PRKCE: variants seen among roughly 807,000 people sequenced by gnomAD.
PRKCE encodes protein kinase C epsilon, also known as protein kinase C epsilon type.
A neutral mutation model predicts 85.4 loss-of-function variants in PRKCE; 16 were observed. The ratio of observed to expected loss-of-function variants is 0.19; its 90% CI spans 0.13 to 0.28. The LOEUF is 0.28. PRKCE is among the 10% of genes least tolerant of loss of function. The pLI, the probability that PRKCE is intolerant of heterozygous loss-of-function variation, is 1.00. For synonymous variants in PRKCE, 388 were observed against 371.5 expected (o/e 1.04, Z -0.51); for missense variants, 573 against 975.2 (o/e 0.59, Z 5.49).
chr2:45,703,131 T>A lies in PRKCE; in HGVS notation c.348+50683T>A, dbSNP rs1017876750. Among the ~76,000 whole-genome samples the A allele has an allele frequency of 7.8e-4, 119 of 152,238 alleles. 1 individual carries two copies. In the East Asian group the frequency reaches 9.3e-3, roughly 12 times the overall value. Reference sequence around the variant, plus strand: ...CTCAGCTTCTGTTTTATTTATTTTTTTTTTTTGTATTTCTGATGGCTGTTG... The same window carrying A: ...CTCAGCTTCTGTTTTATTTATTTTTATTTTTTGTATTTCTGATGGCTGTTG... On this transcript the variant is annotated intron_variant, in intron 1 of 14. Coordinates refer to ENST00000306156, the MANE Select transcript of PRKCE (RefSeq NM_005400.3).
At chr2:45,961,347 A>G (rs58284297) in intron 2 of PRKCE, among the ~76,000 whole-genome samples, 51,052 of 152,112 alleles carry the variant, frequency 0.34, 8,758 homozygotes, top group Middle Eastern at 0.51. Context: ...TGAATGAAGT[A>G]TCTACTGCTA....
chr2:45,952,749 A>G (rs1700711137), intron 2 of PRKCE, among the ~76,000 whole-genome samples: 1 of 152,254 alleles, frequency 6.6e-6, no homozygotes, highest in African/African-American at 2.4e-5. Flanking sequence ...GGCCATTGAC[A>G]TGCAGCTTTC....
intron 1 of PRKCE, among the ~76,000 whole-genome samples, chr2:45,736,690 G>C (rs1327360819): frequency 6.6e-6 from 1 of 152,208 alleles, no homozygotes; most frequent in Non-Finnish European, 1.5e-5. Flanking sequence ...AGTTTCTGGA[G>C]AACAGGAAGG....
chr2:46,137,080 C>T (rs1026214392), intron 11 of PRKCE, among the ~76,000 whole-genome samples: 18 of 152,312 alleles, frequency 1.2e-4, no homozygotes, highest in Admixed American at 9.8e-4. Context: ...GGCAGAATTT[C>T]TGGGATATCA....
At chr2:45,728,869 T>G (rs1234949726) in intron 1 of PRKCE, among the ~76,000 whole-genome samples, 7 of 152,206 alleles carry the variant, frequency 4.6e-5, no homozygotes, top group Non-Finnish European at 1.0e-4. Context: ...GTAATGTGTT[T>G]AGAGTTGGGT....
At chr2:45,971,317 A>G (rs573029410) in intron 2 of PRKCE, among the ~76,000 whole-genome samples, 34 of 152,338 alleles carry the variant, frequency 2.2e-4, no homozygotes, top group African/African-American at 7.9e-4. Flanking sequence ...CCTCCCATGC[A>G]TGTTACCCCA....
chr2:46,010,556 C>T lies in PRKCE; in HGVS notation c.1437+39C>T, dbSNP rs1409122589. The T allele has an allele frequency of 3.1e-6, 5 of 1,597,710 alleles. No homozygotes were observed. The South Asian group carries it at 5.5e-5, about 18-fold the overall frequency. ...AAGCTGGCTGGCTGCCATGTTGGGG[C>T]ATCTTGACTATCAGATAAAATACCA... On this transcript the variant is annotated intron_variant, in intron 10 of 14. Transcript: ENST00000306156.
intron 5 of PRKCE, 64 bp from the exon 6 acceptor site, chr2:45,984,487 G>C: frequency 1.3e-6 from 2 of 1,568,266 alleles, no homozygotes; most frequent in Admixed American, 3.4e-5. Flanking sequence ...TGAGAGTTCC[G>C]TTGACAAGTC....
chr2:45,857,379 G>A (rs10206177), intron 2 of PRKCE, among the ~76,000 whole-genome samples: 83,181 of 152,072 alleles, frequency 0.55, 23,843 homozygotes, highest in East Asian at 0.83. Context: ...TGTTCTTTAA[G>A]AGAGTTTTTA....
At chr2:46,180,577 G>A (rs1028899760) in intron 14 of PRKCE, among the ~76,000 whole-genome samples, 4 of 152,218 alleles carry the variant, frequency 2.6e-5, no homozygotes, top group East Asian at 1.9e-4. Flanking sequence ...TCACTGATGG[G>A]CAGATACCAT....
chr2:45,994,012 G>C (rs374213435), intron 6 of PRKCE, among the ~76,000 whole-genome samples: 4 of 151,936 alleles, frequency 2.6e-5, no homozygotes, highest in Admixed American at 1.3e-4. Context: ...AGGCTGGTCT[G>C]GGGGGGCTCT....
At chr2:46,115,163 G>A (rs1292279250) in intron 11 of PRKCE, among the ~76,000 whole-genome samples, 1 of 152,168 alleles carries the variant, frequency 6.6e-6, no homozygotes, top group Non-Finnish European at 1.5e-5. Context: ...GATTAAGGTG[G>A]CAGGGAAGTA....
At chr2:45,979,568 A>G (rs1001831506) in intron 4 of PRKCE, among the ~76,000 whole-genome samples, 4 of 152,186 alleles carry the variant, frequency 2.6e-5, no homozygotes, top group Admixed American at 1.3e-4. Flanking sequence ...TAAGTTGTAC[A>G]AAATTGGAGG....
chr2:46,097,393 G>T (rs368199728), intron 11 of PRKCE, among the ~76,000 whole-genome samples: 2 of 151,950 alleles, frequency 1.3e-5, no homozygotes, highest in Non-Finnish European at 2.9e-5. Flanking sequence ...GGTGGCGGGC[G>T]TCTGTAGTCC....
intron 2 of PRKCE, among the ~76,000 whole-genome samples, chr2:45,949,311 G>A (rs1700452480): frequency 6.6e-6 from 1 of 150,420 alleles, no homozygotes; most frequent in East Asian, 1.9e-4. Context: ...ATACGATGTG[G>A]CATCCCACTG....
intron 1 of PRKCE, among the ~76,000 whole-genome samples, chr2:45,677,327 T>G (rs649877): frequency 0.23 from 28,677 of 122,430 alleles, 3,492 homozygotes; most frequent in Non-Finnish European, 0.31. Context: ...AAGGTTTTTT[T>G]TTTGTTTTTT....
chr2:46,088,594 T>A (rs1198530255), intron 11 of PRKCE, among the ~76,000 whole-genome samples: 1 of 152,218 alleles, frequency 6.6e-6, no homozygotes, highest in Non-Finnish European at 1.5e-5. Context: ...CTTCTTGATT[T>A]GTGCATAATG....
chr2:45,967,243 T>C (rs1701793040), intron 2 of PRKCE, among the ~76,000 whole-genome samples: 1 of 152,202 alleles, frequency 6.6e-6, no homozygotes, highest in African/African-American at 2.4e-5. Context: ...GCCATGGTCA[T>C]AGGAGGAGAA....
intron 2 of PRKCE, among the ~76,000 whole-genome samples, chr2:45,915,089 A>G (rs1369395685): frequency 1.3e-5 from 2 of 152,168 alleles, no homozygotes; most frequent in Non-Finnish European, 2.9e-5. Flanking sequence ...GGGTTTCACC[A>G]TGTTGGCCAG....
Sources: allele counts gnomAD v4.1 joint callset (sites outside exome capture counted in the v4.1 genomes callset), GRCh38; gene constraint gnomAD v4.1.1; transcripts MANE v1.5; gene names NCBI Gene and HGNC (gene_info 2026-07-23, HGNC 2026-07-21).